STK33: variants seen among roughly 807,000 people sequenced by gnomAD.
STK33 encodes serine/threonine kinase 33.
In STK33, 52 loss-of-function variants were observed where a neutral mutation model predicts 58.0. The ratio of observed to expected loss-of-function variants is 0.90; its 90% CI spans 0.72 to 1.13. The LOEUF (loss-of-function observed/expected upper bound fraction) is 1.13, where lower values mean the gene tolerates loss of function less well. STK33 is among the 50% of genes most tolerant of loss of function. The probability of loss-of-function intolerance (pLI) is 0.00; values close to 1 mark genes in which losing one functional copy is unlikely to be tolerated. For synonymous variants in STK33, 215 were observed against 200.1 expected (o/e 1.07, Z -0.63); for missense variants, 630 against 604.2 (o/e 1.04, Z -0.45).
At chr11:8,557,269 GGGGAGGGGAGGGGAGGGGA>G (rs1956815528) in intron 1 of STK33, among the ~76,000 whole-genome samples, 1 of 65,594 alleles carries the variant, frequency 1.5e-5, no homozygotes, top group Non-Finnish European at 3.5e-5. Context: ...GGGGAGGGGA[GGGGAGGGGAGGGGAGGGGA>G]GGAGAGAAGA....
At chr11:8,570,731 T>C (rs1215242968) in intron 1 of STK33, among the ~76,000 whole-genome samples, 2 of 152,196 alleles carry the variant, frequency 1.3e-5, no homozygotes, top group Non-Finnish European at 2.9e-5. Flanking sequence ...ATGGAGACAT[T>C]AAAACGGACA....
chr11:8,376,394 A>G, the STK33 span, among the ~76,000 whole-genome samples: 1 of 152,166 alleles, frequency 6.6e-6, no homozygotes, highest in Admixed American at 6.5e-5. Flanking sequence ...CATTAGCCAA[A>G]GCCAGGAGAA....
chr11:8,370,390 G>A, the STK33 span, among the ~76,000 whole-genome samples: 1 of 151,822 alleles, frequency 6.6e-6, no homozygotes, highest in African/African-American at 2.4e-5. Context: ...TAGAGATGGG[G>A]TCTCACTGTG....
intron 15 of STK33, among the ~76,000 whole-genome samples, chr11:8,413,229 CA>C (rs954544185): frequency 6.6e-6 from 1 of 152,200 alleles, no homozygotes; most frequent in Non-Finnish European, 1.5e-5. Flanking sequence ...TACTAGGGCC[CA>C]CAAAGCCTAA....
chr11:8,501,030 A>G (rs1465496555), intron 1 of STK33, among the ~76,000 whole-genome samples: 1 of 152,160 alleles, frequency 6.6e-6, no homozygotes, highest in Non-Finnish European at 1.5e-5. Flanking sequence ...CTCACACCAT[A>G]TACAAAACTT....
the STK33 span, among the ~76,000 whole-genome samples, chr11:8,338,193 T>C: frequency 6.6e-6 from 1 of 152,208 alleles, no homozygotes; most frequent in African/African-American, 2.4e-5. Context: ...ACACAGGGCC[T>C]GGCCAAGGCC....
intron 14 of STK33, among the ~76,000 whole-genome samples, chr11:8,434,832 C>T (rs1218942420): frequency 6.6e-6 from 1 of 152,166 alleles, no homozygotes; most frequent in East Asian, 1.9e-4. Flanking sequence ...GCAAAGAACA[C>T]TGGGGAAGAG....
chr11:8,450,581 TA>T (rs1009930129), intron 11 of STK33, among the ~76,000 whole-genome samples: 1 of 151,536 alleles, frequency 6.6e-6, no homozygotes, highest in East Asian at 1.9e-4. Flanking sequence ...ATGATCATAA[TA>T]AAAAAAGTTC....
intron 1 of STK33, among the ~76,000 whole-genome samples, chr11:8,571,925 AATTTT>A (rs1957843608): frequency 6.7e-6 from 1 of 150,166 alleles, no homozygotes; most frequent in South Asian, 2.1e-4. Flanking sequence ...ATTAAATTTT[AATTTT>A]AAAAAATTTA....
chr11:8,508,266 C>CTTTTTTTTTT (rs34759366), intron 1 of STK33, among the ~76,000 whole-genome samples: 26 of 114,272 alleles, frequency 2.3e-4, no homozygotes, highest in African/African-American at 7.4e-4. Flanking sequence ...ACCTTCTATT[C>CTTTTTTTTTT]TTTTTTTTTT....
At chr11:8,466,048 A>C (rs1424176724) in intron 6 of STK33, 2 of 151,968 alleles carry the variant, frequency 1.3e-5, no homozygotes, top group East Asian at 3.9e-4. Flanking sequence ...GAAAAGACCC[A>C]CCCTTCTGAT....
intron 1 of STK33, among the ~76,000 whole-genome samples, chr11:8,585,969 C>G (rs1355623205): frequency 6.6e-6 from 1 of 152,136 alleles, no homozygotes; most frequent in Non-Finnish European, 1.5e-5. Context: ...AGGAGAATCG[C>G]TTGAACCTGG....
chr11:8,340,244 T>G, the STK33 span, among the ~76,000 whole-genome samples: 3 of 152,096 alleles, frequency 2.0e-5, no homozygotes, highest in Admixed American at 2.0e-4. Context: ...AAAGGCAAGG[T>G]TCTTCCTTCT....
rs888680210 is a variant in STK33, at chr11:8,395,580, G to T, written c.1345-2870C>A. Among the ~76,000 whole-genome samples the T allele has an allele frequency of 2.0e-5, 3 of 152,162 alleles. No homozygotes were observed. In the East Asian group the frequency reaches 5.8e-4, roughly 29 times the overall value. ...AACTATAAACACTCTTTTACACCTT[G>T]ACTTTTTTCAACTAATGATTATCTT... is the stretch of plus-strand genomic sequence containing the variant. On this transcript the variant is annotated intron_variant, in intron 15 of 15. Coordinates refer to ENST00000687296, the MANE Select transcript of STK33 (RefSeq NM_001352389.2).
At chr11:8,365,576 C>A in the STK33 span, among the ~76,000 whole-genome samples, 7 of 152,202 alleles carry the variant, frequency 4.6e-5, no homozygotes, top group Admixed American at 4.6e-4. Context: ...ATGTCTGAAT[C>A]CACAGAGTCT....
chr11:8,508,760 G>C (rs1401568509), intron 1 of STK33, among the ~76,000 whole-genome samples: 1 of 152,178 alleles, frequency 6.6e-6, no homozygotes, highest in Non-Finnish European at 1.5e-5. Context: ...GAAATGTGGA[G>C]AATGGGTTTC....
chr11:8,475,438 T>C (rs1440403301), intron 4 of STK33: 1 of 152,186 alleles, frequency 6.6e-6, no homozygotes, highest in Non-Finnish European at 1.5e-5. Flanking sequence ...TGGGTTGTGG[T>C]TTTTAAAAAG....
intron 1 of STK33, among the ~76,000 whole-genome samples, chr11:8,521,819 C>A (rs1591607489): frequency 1.3e-5 from 2 of 152,156 alleles, no homozygotes; most frequent in African/African-American, 4.8e-5. Context: ...GGGTGAAGGA[C>A]ATGAACAGAC....
At chr11:8,461,758 T>C (rs1947547409) in intron 8 of STK33, 47 bp downstream of exon 8, 1 of 1,406,502 alleles carries the variant, frequency 7.1e-7, no homozygotes, top group Admixed American at 2.3e-5. Flanking sequence ...GATATTCATT[T>C]TGTAATAATA....
Sources: allele counts gnomAD v4.1 joint callset (sites outside exome capture counted in the v4.1 genomes callset), GRCh38; gene constraint gnomAD v4.1.1; transcripts MANE v1.5; gene names NCBI Gene and HGNC (gene_info 2026-07-23, HGNC 2026-07-21).